The following KIAA0825 variants were observed in gnomAD, a reference collection of about 807,000 sequenced individuals.
KIAA0825 encodes the protein KIAA0825.
A neutral mutation model predicts 147.6 loss-of-function variants in KIAA0825; 119 were observed. The observed-to-expected ratio is 0.81, with a 90% CI of 0.69 to 0.94. The LOEUF (loss-of-function observed/expected upper bound fraction) is 0.94, where lower values mean the gene tolerates loss of function less well. Among genes scored for constraint, KIAA0825 ranks in the 40% least tolerant of loss-of-function variants. The pLI, the probability that KIAA0825 is intolerant of heterozygous loss-of-function variation, is 0.00. For synonymous variants in KIAA0825, 470 were observed against 518.1 expected, an observed-to-expected ratio of 0.91 and a Z score of 1.26; for missense variants, 1,381 against 1,472.7, an observed-to-expected ratio of 0.94 and a Z score of 1.02.
intron 1 of KIAA0825, among the ~76,000 whole-genome samples, chr5:94,614,347 T>G (rs1336235501): frequency 1.3e-5 from 2 of 152,194 alleles, no homozygotes; most frequent in Non-Finnish European, 2.9e-5. Flanking sequence ...CACTCTAATG[T>G]TTCTGTAACA....
At chr5:94,458,752 T>A (rs543021749) in intron 12 of KIAA0825, among the ~76,000 whole-genome samples, 239 of 147,858 alleles carry the variant, frequency 1.6e-3, no homozygotes, top group East Asian at 2.2e-3. Context: ...ACCTTTTTTT[T>A]AAAAAAAAAA....
intron 20 of KIAA0825, among the ~76,000 whole-genome samples, chr5:94,245,240 C>A (rs1775547711): frequency 6.6e-6 from 1 of 152,168 alleles, no homozygotes; most frequent in African/African-American, 2.4e-5. Flanking sequence ...TTTCACAAGA[C>A]AGCTCATGAA....
chr5:94,472,979 A>C (rs1322087454), intron 8 of KIAA0825, among the ~76,000 whole-genome samples: 2 of 152,168 alleles, frequency 1.3e-5, no homozygotes, highest in African/African-American at 4.8e-5. Context: ...TCAACCTCCT[A>C]AATTTTCCTG....
intron 20 of KIAA0825, among the ~76,000 whole-genome samples, chr5:94,176,407 TAA>T (rs1348277670): frequency 1.3e-5 from 2 of 152,112 alleles, no homozygotes; most frequent in Non-Finnish European, 1.5e-5. Context: ...CTTTTCTTTG[TAA>T]ATTACCCAGG....
In KIAA0825 at chr5:94,457,195, A is replaced by G. The variant is rs868142622; in HGVS notation, c.2247-4126T>C. Among the ~76,000 whole-genome samples the G allele has an allele frequency of 3.9e-5, 6 of 152,196 alleles. No individual in the cohort carries two copies. The South Asian group carries it at 1.2e-3, about 32-fold the overall frequency. On this transcript the variant is annotated intron_variant, in intron 12 of 20. Coordinates refer to ENST00000682413, the MANE Select transcript of KIAA0825 (RefSeq NM_001145678.3). ...ATAACAGGGTGAAAATTGGCTCACA[A>G]GCCTCAATGGGAGAATGAAATTATG... is the stretch of plus-strand genomic sequence containing the variant.
chr5:94,529,371 A>ATATATCATATG (rs1561269211), intron 3 of KIAA0825, among the ~76,000 whole-genome samples: 19 of 119,640 alleles, frequency 1.6e-4, no homozygotes, highest in South Asian at 7.4e-4. Context: ...TCATATATGT[A>ATATATCATATG]TATATCTCAT....
chr5:94,607,749 A>G (rs1787761067), intron 1 of KIAA0825, among the ~76,000 whole-genome samples: 1 of 152,252 alleles, frequency 6.6e-6, no homozygotes, highest in African/African-American at 2.4e-5. Flanking sequence ...GAAGTCTGAA[A>G]CAGGCCTCAC....
intron 20 of KIAA0825, among the ~76,000 whole-genome samples, chr5:94,371,832 A>G (rs1248826814): frequency 1.3e-5 from 2 of 152,176 alleles, no homozygotes; most frequent in Non-Finnish European, 2.9e-5. Flanking sequence ...TCACTCCAAC[A>G]TTAACCCAAA....
At chr5:94,535,197 G>C (rs1455430953) in intron 3 of KIAA0825, among the ~76,000 whole-genome samples, 1 of 151,680 alleles carries the variant, frequency 6.6e-6, no homozygotes, top group East Asian at 1.9e-4. Flanking sequence ...TTTTTCCTTA[G>C]AGCATTTACC....
At chr5:94,187,946 T>C (rs762018917) in intron 20 of KIAA0825, among the ~76,000 whole-genome samples, 7 of 152,192 alleles carry the variant, frequency 4.6e-5, no homozygotes, top group Non-Finnish European at 1.0e-4. Flanking sequence ...ACAGCCAGTA[T>C]GATGGTATTA....
At chr5:94,159,370 A>G (rs962045516) in intron 20 of KIAA0825, among the ~76,000 whole-genome samples, 4 of 152,100 alleles carry the variant, frequency 2.6e-5, no homozygotes, top group Admixed American at 2.0e-4. Flanking sequence ...ATACATCTCA[A>G]TGCATTGTTG....
intron 20 of KIAA0825, among the ~76,000 whole-genome samples, chr5:94,237,355 T>G (rs530354970): frequency 1.3e-5 from 2 of 152,288 alleles, no homozygotes; most frequent in African/African-American, 4.8e-5. Flanking sequence ...AGATGTCATC[T>G]ACATCATCTG....
At chr5:94,158,126 C>T (rs893167828) in intron 20 of KIAA0825, among the ~76,000 whole-genome samples, 2 of 152,126 alleles carry the variant, frequency 1.3e-5, no homozygotes, top group Non-Finnish European at 2.9e-5. Context: ...AGATGAATCA[C>T]CCCAGGCAAG....
rs536148785 is a variant in KIAA0825, at chr5:94,423,189, G to A, written c.2498-5824C>T. 9.7e-4 allele frequency among the ~76,000 whole-genome samples: 148 copies of A among 152,250 alleles called. 1 individual carries two copies. The highest frequency in any genetic ancestry group is 3.2e-3 in the African/African-American group (132 of 41,538). On this transcript the variant is annotated intron_variant, in intron 14 of 20. Transcript: ENST00000682413. ...GATTAAGTGGGGAGCTGGGGGGTTG[G>A]AGGGATGAAGGGATAAGCTTAATTC...
rs566597032 is a variant in KIAA0825 at position 94,224,897 on chromosome 5, C to T, written c.3711-70773G>A. ...TTTATCTGCCTAGGAAAGTCCTGAGCCTTCATCTGTCTCTAAATTAAGAAC... is the reference window on the plus strand; with the variant it reads ...TTTATCTGCCTAGGAAAGTCCTGAGTCTTCATCTGTCTCTAAATTAAGAAC... On this transcript the variant is annotated intron_variant, in intron 20 of 20. Coordinates refer to ENST00000682413, the MANE Select transcript of KIAA0825 (RefSeq NM_001145678.3). Among the ~76,000 whole-genome samples, 14 of 152,190 alleles carry T rather than the reference C, an allele frequency of 9.2e-5. No homozygotes were observed. The East Asian group carries it at 2.5e-3, about 27-fold the overall frequency.
intron 20 of KIAA0825, among the ~76,000 whole-genome samples, chr5:94,356,567 C>T (rs901801622): frequency 1.7e-4 from 26 of 150,984 alleles, no homozygotes; most frequent in African/African-American, 5.6e-4. Flanking sequence ...GCCGAGATTG[C>T]GCCACCGGAC....
At chr5:94,183,132 G>T (rs1056403266) in intron 20 of KIAA0825, among the ~76,000 whole-genome samples, 15 of 152,012 alleles carry the variant, frequency 9.9e-5, no homozygotes, top group African/African-American at 3.6e-4. Flanking sequence ...ATTTGTAAAG[G>T]ATTCACTCTT....
intron 2 of KIAA0825, among the ~76,000 whole-genome samples, chr5:94,541,559 A>C (rs2151376413): frequency 6.6e-6 from 1 of 152,362 alleles, no homozygotes; most frequent in Non-Finnish European, 1.5e-5. Flanking sequence ...TCTGTGTGTG[A>C]ACATGTTGGC....
intron 20 of KIAA0825, among the ~76,000 whole-genome samples, chr5:94,214,117 A>G (rs1043718853): frequency 2.0e-5 from 3 of 152,088 alleles, no homozygotes; most frequent in African/African-American, 4.8e-5. Flanking sequence ...CAGCCTCCCA[A>G]AATGCTAGGA....
Sources: allele counts gnomAD v4.1 joint callset (sites outside exome capture counted in the v4.1 genomes callset), GRCh38; gene constraint gnomAD v4.1.1; transcripts MANE v1.5; gene names NCBI Gene and HGNC (gene_info 2026-07-23, HGNC 2026-07-21).